The following SSBP2 variants were observed in gnomAD, a reference collection of about 807,000 sequenced individuals.
The protein encoded by SSBP2 is single-stranded DNA-binding protein 2.
In SSBP2, 17 loss-of-function variants were observed where a neutral mutation model predicts 61.8. The ratio of observed to expected loss-of-function variants is 0.28; its 90% CI spans 0.19 to 0.41. The LOEUF is 0.41. SSBP2 is among the 10% of genes least tolerant of loss of function. SSBP2 has a pLI of 1.00. For missense variants in SSBP2, 310 were observed against 458.7 expected (o/e 0.68, Z 2.96); for synonymous variants, 139 against 141.3 (o/e 0.98, Z 0.12).
At chr5:81,493,990 T>G (rs1767102012) in intron 5 of SSBP2, among the ~76,000 whole-genome samples, 1 of 152,146 alleles carries the variant, frequency 6.6e-6, no homozygotes, top group Non-Finnish European at 1.5e-5. Context: ...ACCCGCTGAT[T>G]AGGATTTTTC....
In SSBP2 at chr5:81,448,794, T is replaced by C. The variant is rs193920757; in HGVS notation, c.719A>G (p.Tyr240Cys). ...AACAAACCCAAATGTACTTACTACA[T>C]AATTCCCAGGAGATGCTGAGGAGTA... The change falls in exon 11 of 17, where the codon TAT (tyrosine) becomes TGT (cysteine). Residue 240 changes from tyrosine to cysteine, a missense_variant. Tyr to Cys is a radical substitution (Grantham distance 194). Around this residue, in one of 4 missense-constraint regions of SSBP2, gnomAD observed 209 missense variants for 286.4 expected, o/e 0.73. Transcript: ENST00000320672. 2 of 1,612,790 alleles carry C rather than the reference T, an allele frequency of 1.2e-6. No homozygotes were observed. The highest frequency in any genetic ancestry group is 1.3e-5 in the African/African-American group (1 of 75,000).
intron 6 of SSBP2, among the ~76,000 whole-genome samples, chr5:81,478,398 T>C (rs1765738836): frequency 6.6e-6 from 1 of 152,112 alleles, no homozygotes; most frequent in Non-Finnish European, 1.5e-5. Context: ...TGGAGTGCAG[T>C]GGTGCAATCT....
intron 4 of SSBP2, among the ~76,000 whole-genome samples, chr5:81,590,355 G>A (rs541975578): frequency 3.3e-5 from 5 of 152,266 alleles, no homozygotes; most frequent in African/African-American, 1.2e-4. Context: ...TAGAAGGCTG[G>A]AAACAGCATC....
At chr5:81,525,047 G>C (rs1769813171) in intron 4 of SSBP2, among the ~76,000 whole-genome samples, 1 of 151,932 alleles carries the variant, frequency 6.6e-6, no homozygotes. Flanking sequence ...CTTGTACTCT[G>C]ATTCAAAGTA....
chr5:81,420,200 GTGTATA>G lies in SSBP2; in HGVS notation c.*298_*303del, dbSNP rs1761510890. 3.3e-6 allele frequency: 1 copy of G among 302,762 alleles called. No individual in the cohort carries two copies. Among genetic ancestry groups the G allele is most frequent in the East Asian group, 5.6e-5 (1 of 17,744 alleles). The allele number at this position is 302,762 out of a possible 1,614,324, so 18.8% of individuals were successfully genotyped here. On this transcript the variant is annotated 3_prime_UTR_variant, in exon 17 of 17. Coordinates refer to ENST00000320672, the MANE Select transcript of SSBP2 (RefSeq NM_012446.5). The stretch of plus-strand genomic sequence containing the variant: ...ATGTCCTGTGGGTCAATGTATGTAT[GTGTATA>G]TGTCTGTATAACATACACATATACA...
intron 5 of SSBP2, among the ~76,000 whole-genome samples, chr5:81,510,778 A>T (rs570184869): frequency 6.6e-6 from 1 of 151,794 alleles, no homozygotes; most frequent in Non-Finnish European, 1.5e-5. Flanking sequence ...AAAAAAATTC[A>T]CTTGGAGTAC....
intron 14 of SSBP2, among the ~76,000 whole-genome samples, chr5:81,437,985 G>A (rs2153949661): frequency 6.6e-6 from 1 of 152,164 alleles, no homozygotes; most frequent in South Asian, 2.1e-4. Flanking sequence ...AACTAAAAAT[G>A]TCTTTAAATA....
chr5:81,665,346 C>T (rs1751024878), intron 1 of SSBP2, among the ~76,000 whole-genome samples: 1 of 152,176 alleles, frequency 6.6e-6, no homozygotes, highest in South Asian at 2.1e-4. Flanking sequence ...TAGCTGCTGC[C>T]ACACAGCACT....
intron 5 of SSBP2, among the ~76,000 whole-genome samples, chr5:81,512,251 T>G (rs917688286): frequency 2.6e-5 from 4 of 152,224 alleles, no homozygotes; most frequent in Non-Finnish European, 4.4e-5. Context: ...CTACTTTGAT[T>G]TGAATTCAAG....
chr5:81,685,009 C>G (rs1169996331), intron 1 of SSBP2, among the ~76,000 whole-genome samples: 1 of 151,982 alleles, frequency 6.6e-6, no homozygotes, highest in Non-Finnish European at 1.5e-5. Context: ...GGCTGGATTT[C>G]CCCCTTGTTC....
chr5:81,636,656 ACT>A, intron 2 of SSBP2, 38 bp from the exon 3 acceptor site: 1 of 1,434,928 alleles, frequency 7.0e-7, no homozygotes, highest in South Asian at 1.2e-5. Context: ...TCCTAATAAT[ACT>A]TTTTTCCACA....
At chr5:81,578,564 G>A (rs1423552862) in intron 4 of SSBP2, among the ~76,000 whole-genome samples, 3 of 151,432 alleles carry the variant, frequency 2.0e-5, no homozygotes, top group African/African-American at 7.3e-5. Flanking sequence ...CAGTAAAAGG[G>A]AAAGAAAAAT....
At chr5:81,612,533 T>C (rs918806040) in intron 4 of SSBP2, among the ~76,000 whole-genome samples, 3 of 152,116 alleles carry the variant, frequency 2.0e-5, no homozygotes, top group Non-Finnish European at 4.4e-5. Context: ...TTGGCCTATT[T>C]TAAATTAACA....
intron 6 of SSBP2, among the ~76,000 whole-genome samples, chr5:81,479,796 T>TA (rs539691626): frequency 1.3e-5 from 2 of 152,170 alleles, no homozygotes; most frequent in Non-Finnish European, 1.5e-5. Flanking sequence ...TTTTTAATGA[T>TA]AAAAAACTGA....
At chr5:81,420,562 A>T (rs370236848) in intron 16 of SSBP2, 29 bp from the exon 17 acceptor site, 2 of 1,599,282 alleles carry the variant, frequency 1.3e-6, no homozygotes, top group Admixed American at 1.7e-5. Flanking sequence ...CCATATTTTA[A>T]CAACAATTCT....
chr5:81,663,763 A>G (rs1356485605), intron 1 of SSBP2, among the ~76,000 whole-genome samples: 1 of 152,200 alleles, frequency 6.6e-6, no homozygotes, highest in Non-Finnish European at 1.5e-5. Flanking sequence ...TTTGCAACCT[A>G]TCCTTTTAAT....
chr5:81,748,932 G>A (rs1057170864), intron 1 of SSBP2, among the ~76,000 whole-genome samples: 4 of 152,046 alleles, frequency 2.6e-5, no homozygotes, highest in African/African-American at 9.7e-5. Context: ...TCAGGATACT[G>A]AGTGGGATTC....
chr5:81,579,631 G>T (rs958094247), intron 4 of SSBP2, among the ~76,000 whole-genome samples: 2 of 152,128 alleles, frequency 1.3e-5, no homozygotes, highest in Non-Finnish European at 2.9e-5. Context: ...TATTCTGGTT[G>T]TGAAAGCTAC....
At chr5:81,737,422 C>A (rs1014615774) in intron 1 of SSBP2, among the ~76,000 whole-genome samples, 10 of 152,004 alleles carry the variant, frequency 6.6e-5, no homozygotes, top group African/African-American at 2.4e-4. Flanking sequence ...TCCCAAAACA[C>A]TGCATCTAAC....
Sources: allele counts gnomAD v4.1 joint callset (sites outside exome capture counted in the v4.1 genomes callset), GRCh38; gene constraint gnomAD v4.1.1; regional missense constraint gnomAD v4.1.1; transcripts MANE v1.5; gene names NCBI Gene and HGNC (gene_info 2026-07-23, HGNC 2026-07-21).